ZDHHC2: variants seen among roughly 807,000 people sequenced by gnomAD.
ZDHHC2 encodes the protein zDHHC palmitoyltransferase 2.
In ZDHHC2, 51 loss-of-function variants were observed where a neutral mutation model predicts 55.6. The ratio of observed to expected loss-of-function variants is 0.92; its 90% CI spans 0.73 to 1.16. ZDHHC2 has a LOEUF of 1.16. ZDHHC2 is among the 50% of genes most tolerant of loss of function. ZDHHC2 has a pLI of 0.00. For missense variants in ZDHHC2, 491 were observed against 442.4 expected (o/e 1.11, Z -0.99); for synonymous variants, 199 against 152.9 (o/e 1.30, Z -2.22).
At chr8:17,203,952 C>T (rs370153002) in intron 6 of ZDHHC2, among the ~76,000 whole-genome samples, 19 of 152,004 alleles carry the variant, frequency 1.2e-4, no homozygotes, top group South Asian at 6.2e-4. Flanking sequence ...GGACTACAGG[C>T]GTGTACTACC....
intron 5 of ZDHHC2, among the ~76,000 whole-genome samples, chr8:17,198,000 T>C (rs1179849286): frequency 6.6e-6 from 1 of 152,220 alleles, no homozygotes; most frequent in Non-Finnish European, 1.5e-5. Context: ...TTTAATATAC[T>C]CCAAGGACAG....
intron 1 of ZDHHC2, among the ~76,000 whole-genome samples, chr8:17,167,099 G>A (rs748793775): frequency 7.2e-5 from 11 of 152,000 alleles, no homozygotes; most frequent in Non-Finnish European, 1.0e-4. Context: ...AGGTTAACAC[G>A]TACTAACATT....
Position 17,215,236 on chromosome 8 carries a change from G to A in ZDHHC2, c.951-1G>A. 6.3e-7 allele frequency: 1 copy of A among 1,577,368 alleles called. No individual in the cohort carries two copies. Among genetic ancestry groups the A allele is most frequent in the South Asian group, 1.2e-5 (1 of 84,640 alleles). Reference sequence around the variant, plus strand: ...TTGATGATTATTCAATTATTATTCAGTCTCGAAAACCATCAGTTTCCTGCA... The same window carrying A: ...TTGATGATTATTCAATTATTATTCAATCTCGAAAACCATCAGTTTCCTGCA... On this transcript the variant is annotated splice_acceptor_variant, in intron 10 of 12. Transcript: ENST00000262096. LOFTEE classifies it high-confidence loss of function.
chr8:17,169,624 C>G (rs991529296), intron 1 of ZDHHC2, among the ~76,000 whole-genome samples: 1 of 152,066 alleles, frequency 6.6e-6, no homozygotes, highest in Non-Finnish European at 1.5e-5. Flanking sequence ...ATCATGAACT[C>G]GATTCTGATC....
At position 17,222,239 on chromosome 8, in the gene ZDHHC2, T is replaced by C. The variant is rs1307035924; in HGVS notation, c.*2018T>C. ...TAATTGTTCCCTTTCTGTTTTCATA[T>C]AGTGAATAACCTTTAAAGGGTTGTT... On this transcript the variant is annotated 3_prime_UTR_variant, in exon 13 of 13. Coordinates refer to ENST00000262096, the MANE Select transcript of ZDHHC2 (RefSeq NM_016353.5). The C allele has an allele frequency of 1.3e-5, 2 of 151,904 alleles. No individual in the cohort carries two copies. Among genetic ancestry groups the C allele is most frequent in the East Asian group, 1.9e-4 (1 of 5,184 alleles). 9.4% of individuals were successfully genotyped at this position (151,904 alleles called of 1,614,324 possible).
chr8:17,199,845 T>C (rs971632032), intron 6 of ZDHHC2, among the ~76,000 whole-genome samples: 2 of 150,186 alleles, frequency 1.3e-5, no homozygotes, highest in Non-Finnish European at 3.0e-5. Context: ...CTGCAACCTC[T>C]GCCTCCCGGG....
At chr8:17,171,369 CAG>C (rs1451721089) in intron 1 of ZDHHC2, among the ~76,000 whole-genome samples, 1 of 152,130 alleles carries the variant, frequency 6.6e-6, no homozygotes, top group African/African-American at 2.4e-5. Context: ...ACACTAAGAT[CAG>C]GGGGCCAGCC....
At position 17,207,821 on chromosome 8, in the gene ZDHHC2, T is replaced by G. The variant is rs1807181159; in HGVS notation, c.598-139T>G. The G allele has an allele frequency of 6.3e-6, 4 of 637,348 alleles. No individual in the cohort carries two copies. In the African/African-American group the frequency reaches 7.6e-5, roughly 12 times the overall value. The allele number at this position is 637,348 out of a possible 1,614,324, so 39.5% of individuals were successfully genotyped here. ...ATATATGCATATTTTTCCTAAAGTT[T>G]TAACATAAAGCCACATTTTTTTATA... On this transcript the variant is annotated intron_variant, in intron 7 of 12. Coordinates refer to ENST00000262096, the MANE Select transcript of ZDHHC2 (RefSeq NM_016353.5).
At chr8:17,166,828 A>G (rs942311032) in intron 1 of ZDHHC2, among the ~76,000 whole-genome samples, 1 of 152,098 alleles carries the variant, frequency 6.6e-6, no homozygotes, top group African/African-American at 2.4e-5. Flanking sequence ...GAATTTAACA[A>G]TGTGCACATT....
chr8:17,163,027 T>A (rs1804424119), intron 1 of ZDHHC2: 1 of 152,276 alleles, frequency 6.6e-6, no homozygotes, highest in East Asian at 1.9e-4. Flanking sequence ...CTCCCTCACT[T>A]CTTACCCGAT....
chr8:17,197,002 A>C (rs1028217730), intron 4 of ZDHHC2, among the ~76,000 whole-genome samples: 6 of 152,176 alleles, frequency 3.9e-5, no homozygotes, highest in African/African-American at 1.4e-4. Flanking sequence ...TCTCACACAT[A>C]ATGTTTTCCT....
chr8:17,209,987 G>A lies in ZDHHC2; in HGVS notation c.786G>A (p.Leu262=). 6.2e-7 allele frequency: 1 copy of A among 1,611,506 alleles called. No homozygotes were observed. The highest frequency in any genetic ancestry group is 8.5e-7 in the Non-Finnish European group (1 of 1,178,730). Residue 262 remains leucine, a synonymous_variant, in exon 9 of 13, where the codon TTG becomes TTA. Transcript: ENST00000262096. ...RHGTDKNGFS[L]GFSKNMRQVF... ...GAACAGATAAGAATGGATTCAGCTT[G>A]GGTTTCAGTAAAAACATGCGACAAG... is the stretch of plus-strand genomic sequence containing the variant.
intron 1 of ZDHHC2, among the ~76,000 whole-genome samples, chr8:17,174,917 G>C (rs1805054752): frequency 6.6e-6 from 1 of 151,742 alleles, no homozygotes; most frequent in Non-Finnish European, 1.5e-5. Context: ...AGTAGAGACA[G>C]AGTTTTACCA....
intron 6 of ZDHHC2, among the ~76,000 whole-genome samples, chr8:17,199,412 T>C (rs1237755728): frequency 6.6e-6 from 1 of 150,736 alleles, no homozygotes; most frequent in Non-Finnish European, 1.5e-5. Flanking sequence ...CCAGTTTTCT[T>C]TTCTGGTTTT....
In ZDHHC2 at chr8:17,201,747, C is replaced by T. The variant is rs561934387; in HGVS notation, c.476+3334C>T. ...TCCTGACCTTGTGATCCACCCGCCTCAGCCTCCCAAAGTGGTAGGATTACA... is the reference window on the plus strand; with the variant it reads ...TCCTGACCTTGTGATCCACCCGCCTTAGCCTCCCAAAGTGGTAGGATTACA... On this transcript the variant is annotated intron_variant, in intron 6 of 12. Coordinates refer to ENST00000262096, the MANE Select transcript of ZDHHC2 (RefSeq NM_016353.5). Among the ~76,000 whole-genome samples the T allele has an allele frequency of 2.6e-5, 4 of 151,550 alleles. No homozygotes were observed. In the East Asian group the frequency reaches 7.8e-4, roughly 29 times the overall value.
chr8:17,201,656 C>T (rs1256479785), intron 6 of ZDHHC2, among the ~76,000 whole-genome samples: 6 of 80,374 alleles, frequency 7.5e-5, no homozygotes, highest in Admixed American at 1.2e-4. Flanking sequence ...CTACGCCTCA[C>T]GGTTTTTGGT....
chr8:17,176,963 G>T (rs143677993), intron 1 of ZDHHC2, among the ~76,000 whole-genome samples: 1 of 152,120 alleles, frequency 6.6e-6, no homozygotes, highest in Admixed American at 6.5e-5. Flanking sequence ...AAATGTTAAC[G>T]TGAATAACAT....
intron 1 of ZDHHC2, among the ~76,000 whole-genome samples, chr8:17,172,444 G>A (rs937933498): frequency 1.3e-5 from 2 of 152,204 alleles, no homozygotes; most frequent in African/African-American, 4.8e-5. Context: ...GAGATGGGGA[G>A]TGGGCTGCAG....
intron 1 of ZDHHC2, among the ~76,000 whole-genome samples, chr8:17,176,183 T>C (rs1056633872): frequency 2.6e-5 from 4 of 152,138 alleles, no homozygotes; most frequent in African/African-American, 7.2e-5. Context: ...TTTCAGGGAA[T>C]TGTGTGGGGA....
Sources: gnomAD v4.1 joint callset for allele counts (sites outside exome capture counted in the v4.1 genomes callset) on GRCh38, gnomAD v4.1.1 for gene constraint, MANE v1.5 for transcripts, NCBI Gene and HGNC (gene_info 2026-07-23, HGNC 2026-07-21) for gene names.